LRP1B: variants seen among roughly 807,000 people sequenced by gnomAD.
LRP1B encodes LDL receptor related protein 1B, also known as low-density lipoprotein receptor-related protein 1B.
LRP1B carries 217 observed loss-of-function variants against 556.6 expected under a neutral mutation model. That is an observed-to-expected ratio of 0.39 (90% CI 0.35 to 0.44). The LOEUF is 0.44. LRP1B is among the 20% of genes least tolerant of loss of function. The pLI, the probability that LRP1B is intolerant of heterozygous loss-of-function variation, is 1.00. For missense variants in LRP1B, 5,053 were observed against 5,620.8 expected (o/e 0.90, Z 3.23); for synonymous variants, 2,047 against 1,865.8 (o/e 1.10, Z -2.50).
intron 1 of LRP1B, among the ~76,000 whole-genome samples, chr2:142,001,976 C>G (rs551849376): frequency 6.6e-6 from 1 of 152,204 alleles, no homozygotes; most frequent in African/African-American, 2.4e-5. Context: ...ACTTTGAACA[C>G]TTACCCAACT....
intron 41 of LRP1B, among the ~76,000 whole-genome samples, chr2:140,627,932 G>T (rs1397510312): frequency 6.6e-6 from 1 of 152,158 alleles, no homozygotes; most frequent in Non-Finnish European, 1.5e-5. Context: ...CCTGAAGTCT[G>T]AAGTCTAAAT....
chr2:140,957,331 C>T (rs1163076525), intron 18 of LRP1B, among the ~76,000 whole-genome samples: 1 of 151,218 alleles, frequency 6.6e-6, no homozygotes, highest in Non-Finnish European at 1.5e-5. Flanking sequence ...AGGGTATATA[C>T]AATGTTTGAG....
intron 1 of LRP1B, among the ~76,000 whole-genome samples, chr2:142,079,811 C>T (rs1371472511): frequency 6.6e-6 from 1 of 151,962 alleles, no homozygotes; most frequent in East Asian, 1.9e-4. Context: ...CGCCCAGCCT[C>T]TTTCTTAAAA....
At chr2:141,788,505 A>G (rs145775258) in intron 2 of LRP1B, among the ~76,000 whole-genome samples, 2,237 of 151,932 alleles carry the variant, frequency 0.015, 19 homozygotes, top group Middle Eastern at 0.031. Flanking sequence ...TAATTGTACT[A>G]TTATTCTTTT....
chr2:140,689,197 GA>G (rs889621506), intron 41 of LRP1B, among the ~76,000 whole-genome samples: 1 of 152,166 alleles, frequency 6.6e-6, no homozygotes, highest in Admixed American at 6.5e-5. Context: ...CATAGGTAGA[GA>G]AGATTGAAAA....
chr2:140,791,511 A>G (rs1690119818), intron 32 of LRP1B, among the ~76,000 whole-genome samples: 1 of 152,178 alleles, frequency 6.6e-6, no homozygotes, highest in Non-Finnish European at 1.5e-5. Context: ...GTGACTTGGA[A>G]TCAAAGTAAT....
intron 47 of LRP1B, among the ~76,000 whole-genome samples, chr2:140,531,507 A>C (rs1464035293): frequency 6.6e-6 from 1 of 152,166 alleles, no homozygotes; most frequent in Non-Finnish European, 1.5e-5. Context: ...GTGTTTCCCC[A>C]AAGTCACACT....
At chr2:140,372,093 C>A (rs1037997812) in intron 69 of LRP1B, among the ~76,000 whole-genome samples, 1 of 151,972 alleles carries the variant, frequency 6.6e-6, no homozygotes, top group African/African-American at 2.4e-5. Context: ...AATGTCTGGG[C>A]TTCTGGCCTT....
At position 141,505,760 on chromosome 2, in the gene LRP1B, G is replaced by A. The variant is rs1015885330; in HGVS notation, c.206-25227C>T. ...ACTTAGTAACACATTCTGCTTGGTA[G>A]GCCAATCTCCATTAAGATTGCTTTA... On this transcript the variant is annotated intron_variant, in intron 2 of 90. Transcript: ENST00000389484. Among the ~76,000 whole-genome samples the A allele has an allele frequency of 3.9e-5, 6 of 152,026 alleles. No homozygotes were observed. In the East Asian group the frequency reaches 1.2e-3, roughly 29 times the overall value.
At chr2:141,049,517 C>A (rs556489893) in intron 10 of LRP1B, among the ~76,000 whole-genome samples, 1 of 151,884 alleles carries the variant, frequency 6.6e-6, no homozygotes, top group Admixed American at 6.6e-5. Context: ...CTTGTAAAAC[C>A]GGCATTTATT....
At chr2:142,010,641 C>T (rs1156393134) in intron 1 of LRP1B, among the ~76,000 whole-genome samples, 1 of 151,604 alleles carries the variant, frequency 6.6e-6, no homozygotes, top group African/African-American at 2.4e-5. Flanking sequence ...AATACCCTCT[C>T]GTGTCTCCCA....
intron 23 of LRP1B, chr2:140,898,558 T>C (rs962389499): frequency 9.7e-5 from 32 of 328,522 alleles, no homozygotes; most frequent in Non-Finnish European, 1.8e-4. Flanking sequence ...CATCGATTTG[T>C]CCAACAACAA....
intron 32 of LRP1B, among the ~76,000 whole-genome samples, chr2:140,783,877 A>G (rs1689790316): frequency 6.6e-6 from 1 of 152,246 alleles, no homozygotes; most frequent in Non-Finnish European, 1.5e-5. Flanking sequence ...GATAATCTAC[A>G]TTAGAAGTTC....
intron 18 of LRP1B, among the ~76,000 whole-genome samples, chr2:140,975,419 C>A (rs1192578996): frequency 6.6e-6 from 1 of 152,110 alleles, no homozygotes; most frequent in Admixed American, 6.6e-5. Flanking sequence ...GAAGTTTCCT[C>A]TAGACCTGCT....
chr2:141,487,747 T>A (rs1387231908), intron 2 of LRP1B, among the ~76,000 whole-genome samples: 2 of 152,068 alleles, frequency 1.3e-5, no homozygotes, highest in African/African-American at 2.4e-5. Flanking sequence ...CCTAAGAAAA[T>A]CCTTCAAGGT....
At chr2:140,645,533 C>CTTTTTT (rs36082249) in intron 41 of LRP1B, among the ~76,000 whole-genome samples, 383 of 81,144 alleles carry the variant, frequency 4.7e-3, no homozygotes, top group Non-Finnish European at 5.6e-3. Context: ...TGCCAATATT[C>CTTTTTT]TTTTTTTTTT....
chr2:141,055,801 A>AAT (rs1699164343), intron 9 of LRP1B, among the ~76,000 whole-genome samples: 1 of 70,274 alleles, frequency 1.4e-5, no homozygotes, highest in Non-Finnish European at 3.1e-5. Context: ...CTTACCACAA[A>AAT]ATGTGTGTGT....
chr2:141,432,407 G>A (rs1680594962), intron 3 of LRP1B, among the ~76,000 whole-genome samples: 1 of 151,932 alleles, frequency 6.6e-6, no homozygotes, highest in South Asian at 2.1e-4. Flanking sequence ...TTCTTTTCTT[G>A]TAATGTTTTT....
At chr2:140,291,008 AG>A (rs1450861551) in intron 84 of LRP1B, among the ~76,000 whole-genome samples, 1 of 152,140 alleles carries the variant, frequency 6.6e-6, no homozygotes, top group East Asian at 1.9e-4. Context: ...TTAATCTCAA[AG>A]GGTTGTGTGA....
Sources: allele counts gnomAD v4.1 joint callset (sites outside exome capture counted in the v4.1 genomes callset), GRCh38; gene constraint gnomAD v4.1.1; transcripts MANE v1.5; gene names NCBI Gene and HGNC (gene_info 2026-07-23, HGNC 2026-07-21).